HDAC8: variants seen among roughly 807,000 people sequenced by gnomAD.
HDAC8 encodes histone deacetylase-like 1.
Under a neutral mutation model 32.2 loss-of-function variants are expected in HDAC8, and 1 was observed. The ratio of observed to expected loss-of-function variants is 0.03; its 90% CI spans 0.01 to 0.15. The LOEUF is 0.15. Among genes scored for constraint, HDAC8 ranks in the 10% least tolerant of loss-of-function variants. The probability of loss-of-function intolerance (pLI) is 1.00; values close to 1 mark genes in which losing one functional copy is unlikely to be tolerated. For synonymous variants in HDAC8, 108 were observed against 113.9 expected (o/e 0.95, Z 0.33); for missense variants, 117 against 300.0 (o/e 0.39, Z 4.51).
intron 9 of HDAC8, among the ~76,000 whole-genome samples, chrX:72,433,509 T>C (rs949816670): frequency 6.2e-5 from 7 of 112,263 alleles, no homozygotes; most frequent in African/African-American, 1.9e-4. Context: ...AAGATTTACT[T>C]CTGTTCTTTA....
At chrX:72,565,441 G>C (rs1034890062) in intron 4 of HDAC8, among the ~76,000 whole-genome samples, 7 of 111,913 alleles carry the variant, frequency 6.3e-5, no homozygotes, top group African/African-American at 2.3e-4. Context: ...TTTATCACAG[G>C]CATGTCCGTT....
At chrX:72,442,388 C>G (rs1349077657) in intron 9 of HDAC8, among the ~76,000 whole-genome samples, 1 of 111,586 alleles carries the variant, frequency 9.0e-6, no homozygotes, top group Non-Finnish European at 1.9e-5. Context: ...ATTCAACATT[C>G]TTAAAGAAAA....
intron 4 of HDAC8, among the ~76,000 whole-genome samples, chrX:72,500,049 G>C (rs782031894): frequency 4.2e-4 from 46 of 110,804 alleles, no homozygotes; most frequent in Admixed American, 1.1e-3. Context: ...TAAATTCCTG[G>C]ACATATACAC....
intron 4 of HDAC8, among the ~76,000 whole-genome samples, chrX:72,500,293 T>A (rs1040000664): frequency 9.0e-6 from 1 of 111,379 alleles, no homozygotes; most frequent in East Asian, 2.8e-4. Context: ...AGCAGCATCA[T>A]CCTGATACAA....
chrX:72,329,793 TG>T lies in HDAC8; in HGVS notation c.*260del, dbSNP rs1360121421. ...ATTTTCAAAGATTAAAAATTTCATTTGTGTGTGTGTGTTTTTTTAAATAAGA... is the reference window on the plus strand; with the variant it reads ...ATTTTCAAAGATTAAAAATTTCATTTTGTGTGTGTGTTTTTTTAAATAAGA... On this transcript the variant is annotated 3_prime_UTR_variant, in exon 11 of 11. Coordinates refer to ENST00000373573, the MANE Select transcript of HDAC8 (RefSeq NM_018486.3). 1 of 1,042,539 alleles carries T rather than the reference TG, an allele frequency of 9.6e-7. No individual in the cohort carries two copies. The highest frequency in any genetic ancestry group is 3.4e-5 in the East Asian group (1 of 29,710). 85.9% of individuals were successfully genotyped at this position (1,042,539 alleles called of 1,213,427 possible).
chrX:72,420,092 A>G (rs2046445988), intron 9 of HDAC8, among the ~76,000 whole-genome samples: 1 of 111,263 alleles, frequency 9.0e-6, no homozygotes, highest in South Asian at 3.8e-4. Context: ...TGGCTTTGGT[A>G]TTATGGTAAT....
Position 72,329,868 on chromosome X carries a change from T to C in HDAC8, c.*186A>G, listed in dbSNP as rs1217515519. ...TCTTCCCCTAGGTCCAGTTGAGGACTCTGGGGTGCCTGCCTCTTCACCCCA... is the reference window on the plus strand; with the variant it reads ...TCTTCCCCTAGGTCCAGTTGAGGACCCTGGGGTGCCTGCCTCTTCACCCCA... On this transcript the variant is annotated 3_prime_UTR_variant, in exon 11 of 11. Coordinates refer to ENST00000373573, the MANE Select transcript of HDAC8 (RefSeq NM_018486.3). 4.7e-6 allele frequency: 4 copies of C among 843,618 alleles called. No homozygotes were observed. The Admixed American group carries it at 8.7e-5, about 18-fold the overall frequency. 69.5% of individuals were successfully genotyped at this position (843,618 alleles called of 1,213,427 possible).
chrX:72,439,088 G>A (rs896729238), intron 9 of HDAC8, among the ~76,000 whole-genome samples: 1 of 111,776 alleles, frequency 8.9e-6, no homozygotes, highest in Non-Finnish European at 1.9e-5. Context: ...CCCACAAAGG[G>A]AAGCCCATCA....
At chrX:72,507,795 C>T (rs1386296199) in intron 4 of HDAC8, among the ~76,000 whole-genome samples, 2 of 112,396 alleles carry the variant, frequency 1.8e-5, no homozygotes, top group African/African-American at 3.2e-5. Context: ...AATGTGTCTG[C>T]AGCGTTGTGG....
intron 9 of HDAC8, among the ~76,000 whole-genome samples, chrX:72,407,563 G>A (rs1334117214): frequency 8.9e-6 from 1 of 111,936 alleles, no homozygotes; most frequent in Non-Finnish European, 1.9e-5. Flanking sequence ...AACAATAAGG[G>A]AAATAGGGAA....
intron 9 of HDAC8, among the ~76,000 whole-genome samples, chrX:72,388,595 TACACACACACACAC>T (rs59374504): frequency 2.7e-4 from 24 of 88,401 alleles, no homozygotes; most frequent in East Asian, 2.3e-3. Flanking sequence ...CCACAGTGAT[TACACACACACACAC>T]ACACACACAC....
rs1358940731 is a variant in HDAC8 at position 72,468,908 on chromosome X, C to T, written c.738-4177G>A. ...TATTGAACAAGAGACCTATTTTTTC[C>T]CCCTGCCTGTTCTAACTCTCTAACA... is the stretch of plus-strand genomic sequence containing the variant. On this transcript the variant is annotated intron_variant, in intron 7 of 10. Transcript: ENST00000373573. Among the ~76,000 whole-genome samples, 13 of 111,318 alleles carry T rather than the reference C, an allele frequency of 1.2e-4. No individual in the cohort carries two copies. The South Asian group carries it at 3.4e-3, about 29-fold the overall frequency.
intron 7 of HDAC8, among the ~76,000 whole-genome samples, chrX:72,479,168 T>C (rs1056872977): frequency 4.5e-5 from 5 of 111,724 alleles, no homozygotes; most frequent in African/African-American, 9.8e-5. Flanking sequence ...TGTATGGCAA[T>C]GTCAGGCACA....
intron 9 of HDAC8, among the ~76,000 whole-genome samples, chrX:72,360,219 G>A (rs1449271027): frequency 2.8e-5 from 3 of 108,641 alleles, no homozygotes; most frequent in Non-Finnish European, 5.7e-5. Context: ...GCCAGGTGTG[G>A]TGCCGCACAC....
chrX:72,547,814 T>C lies in HDAC8; in HGVS notation c.437+20075A>G, dbSNP rs148378230. Among the ~76,000 whole-genome samples the C allele has an allele frequency of 7.2e-3, 813 of 112,234 alleles. 12 individuals are homozygous for C. The highest frequency in any genetic ancestry group is 0.025 in the African/African-American group (767 of 30,873). ...AGAAAAATGCACATAAGGTAGCGCCTACTATATAGCTCAACATAGGTTAGC... is the reference window on the plus strand; with the variant it reads ...AGAAAAATGCACATAAGGTAGCGCCCACTATATAGCTCAACATAGGTTAGC... On this transcript the variant is annotated intron_variant, in intron 4 of 10. Coordinates refer to ENST00000373573, the MANE Select transcript of HDAC8 (RefSeq NM_018486.3).
rs782040029 is a variant in HDAC8, at chrX:72,400,836, A to G, written c.1006-48998T>C. 3.6e-5 allele frequency among the ~76,000 whole-genome samples: 4 copies of G among 111,996 alleles called. No individual in the cohort carries two copies. The South Asian group carries it at 1.5e-3, about 42-fold the overall frequency. On this transcript the variant is annotated intron_variant, in intron 9 of 10. Coordinates refer to ENST00000373573, the MANE Select transcript of HDAC8 (RefSeq NM_018486.3). ...TGTTGCCCTCGGCAGCTACTAATCTACTTTCTGTCTCTATGGATTTGCCTA... is the reference window on the plus strand; with the variant it reads ...TGTTGCCCTCGGCAGCTACTAATCTGCTTTCTGTCTCTATGGATTTGCCTA...
intron 4 of HDAC8, among the ~76,000 whole-genome samples, chrX:72,513,080 C>T (rs2049647032): frequency 8.9e-6 from 1 of 111,786 alleles, no homozygotes; most frequent in Non-Finnish European, 1.9e-5. Context: ...TAAGATACAG[C>T]TGTGAAGACA....
intron 7 of HDAC8, among the ~76,000 whole-genome samples, chrX:72,475,305 A>C (rs782264289): frequency 7.1e-5 from 8 of 112,489 alleles, no homozygotes; most frequent in Non-Finnish European, 1.5e-4. Context: ...TGTCAGCCTG[A>C]GAAAAGTTAT....
intron 4 of HDAC8, among the ~76,000 whole-genome samples, chrX:72,553,403 C>G (rs1198029844): frequency 1.8e-5 from 2 of 111,706 alleles, no homozygotes; most frequent in African/African-American, 6.5e-5. Context: ...TTGCAGTATA[C>G]TACCTAACCC....
Sources: allele counts gnomAD v4.1 joint callset (sites outside exome capture counted in the v4.1 genomes callset), GRCh38; gene constraint gnomAD v4.1.1; transcripts MANE v1.5; gene names NCBI Gene and HGNC (gene_info 2026-07-23, HGNC 2026-07-21).